The following HSF1 variants were observed in gnomAD, a reference collection of about 807,000 sequenced individuals.
HSF1 encodes the protein heat shock factor protein 1.
HSF1 carries 32 observed loss-of-function variants against 51.7 expected under a neutral mutation model. The ratio of observed to expected loss-of-function variants is 0.62; its 90% CI spans 0.47 to 0.83. The LOEUF is 0.83. HSF1 is among the 40% of genes least tolerant of loss of function. The pLI is 0.00. For synonymous variants in HSF1, 396 were observed against 309.7 expected (o/e 1.28, Z -2.92); for missense variants, 727 against 717.0 (o/e 1.01, Z -0.16).
chr8:144,309,068 C>T (rs1816422445), intron 2 of HSF1, 54 bp downstream of exon 2: 3 of 1,337,312 alleles, frequency 2.2e-6, no homozygotes, highest in South Asian at 1.2e-5. Flanking sequence ...CTGCAGATGG[C>T]GGGACCCCAG....
At chr8:144,302,525 A>G (rs1815958335) in intron 1 of HSF1, among the ~76,000 whole-genome samples, 3 of 151,318 alleles carry the variant, frequency 2.0e-5, no homozygotes, top group Admixed American at 2.0e-4. Context: ...AGATAATAAT[A>G]ATAATAAATA....
Position 144,297,627 on chromosome 8 carries a change from C to G in HSF1, c.117+5753C>G, listed in dbSNP as rs962811648. Among the ~76,000 whole-genome samples, 2 of 152,202 alleles carry G rather than the reference C, an allele frequency of 1.3e-5. No homozygotes were observed. The highest frequency in any genetic ancestry group is 4.8e-5 in the African/African-American group (2 of 41,436). ...GCTTCCATGCCCTGACTCCGGTGGT[C>G]CCTGCTCCCCACACGTGGGCCACAG... On this transcript the variant is annotated intron_variant, in intron 1 of 12. Transcript: ENST00000528838. The surrounding 1 kb of genome is among the most constrained non-coding windows in gnomAD (Gnocchi z 4.6).
chr8:144,297,138 G>A lies in HSF1; in HGVS notation c.117+5264G>A, dbSNP rs1216544852. Among the ~76,000 whole-genome samples, 3 of 152,198 alleles carry A rather than the reference G, an allele frequency of 2.0e-5. No homozygotes were observed. Among genetic ancestry groups the A allele is most frequent in the African/African-American group, 4.8e-5 (2 of 41,436 alleles). On this transcript the variant is annotated intron_variant, in intron 1 of 12. Transcript: ENST00000528838. This position sits in a 1 kb window ranked among gnomAD's most constrained non-coding sequence, Gnocchi z 4.6. ...GTCAGCCTGTGTGCAGGGCGAGCTG[G>A]AGAGGGGTCGGTGGGGCTCACAGTG...
chr8:144,296,550 G>A (rs915414722), intron 1 of HSF1, among the ~76,000 whole-genome samples: 2 of 152,194 alleles, frequency 1.3e-5, no homozygotes, highest in Non-Finnish European at 2.9e-5. Flanking sequence ...TGTAATCCCA[G>A]CACTTTGGGA....
In HSF1 at chr8:144,301,935, TC is replaced by T. The variant is rs1554842422; in HGVS notation, c.118-6970del. Among the ~76,000 whole-genome samples the T allele has an allele frequency of 5.0e-4, 74 of 149,214 alleles. 4 individuals are homozygous for T. In the South Asian group the frequency reaches 0.011, roughly 22 times the overall value. On this transcript the variant is annotated intron_variant, in intron 1 of 12. Transcript: ENST00000528838. Reference sequence around the variant, plus strand: ...CCTGTGGTGCCAGCTACTCAGAGGCTCGGGTGGAAGGATTGCTCCCAGATGG... The same window carrying T: ...CCTGTGGTGCCAGCTACTCAGAGGCTGGGTGGAAGGATTGCTCCCAGATGG...
Position 144,314,052 on chromosome 8 carries a change from C to G in HSF1, c.1382C>G (p.Ser461Ter). Residue 461 changes from serine to a stop codon, truncating the protein, a stop_gained and splice_region_variant, in exon 12 of 13, where the codon TCA (serine) becomes TGA (stop). Transcript: ENST00000528838. LOFTEE classifies it high-confidence loss of function. ...PPEAENSSPD[S>*]GKQLVHYTAQ... ...GAGGCAGAGAACAGCAGCCCGGATTCAGGTGAGCCAAGTCCCACCGGCCCC... is the reference window on the plus strand; with the variant it reads ...GAGGCAGAGAACAGCAGCCCGGATTGAGGTGAGCCAAGTCCCACCGGCCCC... 1 of 1,609,736 alleles carries G rather than the reference C, an allele frequency of 6.2e-7. No homozygotes were observed. Among genetic ancestry groups the G allele is most frequent in the East Asian group, 2.2e-5 (1 of 44,650 alleles).
Position 144,313,907 on chromosome 8 carries a change from C to G in HSF1, c.1310C>G (p.Ala437Gly). The G allele has an allele frequency of 1.9e-6, 3 of 1,609,560 alleles. No homozygotes were observed. The highest frequency in any genetic ancestry group is 2.5e-6 in the Non-Finnish European group (3 of 1,179,146). Residue 437 changes from alanine (A) to glycine (G), a missense_variant, in exon 11 of 13, where the codon GCC becomes GGC. By Grantham distance (60) the Ala-to-Gly change is moderately conservative. This residue lies in a region of HSF1 where 470 missense variants were observed against 398.8 expected (regional missense o/e 1.18). Coordinates refer to ENST00000528838, the MANE Select transcript of HSF1 (RefSeq NM_005526.4). ...CTGCCTGACCTTGACAGCAGCCTGG[C>G]CAGTGTGCGTAGGCGGGCGGGGGGT... is the stretch of plus-strand genomic sequence containing the variant. ...MSLPDLDSSL[A>G]SIQELLSPQE...
At chr8:144,302,712 C>A (rs931461417) in intron 1 of HSF1, among the ~76,000 whole-genome samples, 1 of 151,576 alleles carries the variant, frequency 6.6e-6, no homozygotes, top group African/African-American at 2.4e-5. Flanking sequence ...GGCCCAGCTA[C>A]GCGGGAGGCT....
At chr8:144,293,211 G>A (rs1554840706) in intron 1 of HSF1, among the ~76,000 whole-genome samples, 1 of 152,208 alleles carries the variant, frequency 6.6e-6, no homozygotes, top group African/African-American at 2.4e-5. Context: ...TTTACCTACA[G>A]AGTGTTTGGA....
At chr8:144,312,718 G>A (rs904144201) in intron 9 of HSF1, 128 of 1,534,738 alleles carry the variant, frequency 8.3e-5, no homozygotes, top group Non-Finnish European at 1.1e-4. Flanking sequence ...CAGGGTTAGC[G>A]CTGACCCCAC....
At chr8:144,309,662 G>A (rs1305244232) in intron 3 of HSF1, 71 bp downstream of exon 3, 1 of 1,598,818 alleles carries the variant, frequency 6.3e-7, no homozygotes, top group Non-Finnish European at 8.5e-7. Flanking sequence ...CTCCCTGAGG[G>A]CTCCCACCCC....
intron 4 of HSF1, 115 bp from the exon 5 acceptor site, chr8:144,311,059 G>T: frequency 1.0e-6 from 1 of 991,220 alleles, no homozygotes; most frequent in South Asian, 1.5e-5. Flanking sequence ...GGCCAGGCCA[G>T]ACATGGTCAC....
chr8:144,306,659 G>C (rs562499912), intron 1 of HSF1, among the ~76,000 whole-genome samples: 1 of 152,180 alleles, frequency 6.6e-6, no homozygotes, highest in African/African-American at 2.4e-5. Context: ...CAGCGCAGCC[G>C]GCTGGAAAAC....
At chr8:144,293,152 C>T (rs1815214924) in intron 1 of HSF1, among the ~76,000 whole-genome samples, 1 of 152,322 alleles carries the variant, frequency 6.6e-6, no homozygotes, top group Admixed American at 6.5e-5. Flanking sequence ...TGAAGCTGCC[C>T]CAGGCAGGAG....
intron 1 of HSF1, among the ~76,000 whole-genome samples, chr8:144,292,127 G>A (rs1455454731): frequency 6.6e-6 from 1 of 152,260 alleles, no homozygotes; most frequent in Middle Eastern, 3.2e-3. Context: ...GGGATGGGGA[G>A]AATGGGGCGT....
rs782084373 is a variant in HSF1, at chr8:144,308,897, C to G, written c.118-9C>G. The G allele has an allele frequency of 3.4e-5, 55 of 1,612,870 alleles. No individual in the cohort carries two copies. Among genetic ancestry groups the G allele is most frequent in the Admixed American group, 3.2e-4 (19 of 60,010 alleles). ...CCACGCGTGACCCACCCATGTGTCTCCCTTTCAGAGCGGGAACAGCTTCCA... is the reference window on the plus strand; with the variant it reads ...CCACGCGTGACCCACCCATGTGTCTGCCTTTCAGAGCGGGAACAGCTTCCA... On this transcript the variant is annotated splice_polypyrimidine_tract_variant and intron_variant, in intron 1 of 12. Coordinates refer to ENST00000528838, the MANE Select transcript of HSF1 (RefSeq NM_005526.4).
chr8:144,291,637 G>T lies in HSF1; in HGVS notation c.-121G>T. 1.9e-6 allele frequency: 1 copy of T among 527,512 alleles called. No individual in the cohort carries two copies. The highest frequency in any genetic ancestry group is 3.0e-6 in the Non-Finnish European group (1 of 330,820). 32.7% of individuals were successfully genotyped at this position (527,512 alleles called of 1,614,324 possible). On this transcript the variant is annotated 5_prime_UTR_variant, in exon 1 of 13. Coordinates refer to ENST00000528838, the MANE Select transcript of HSF1 (RefSeq NM_005526.4). The surrounding 1 kb of genome is among the most constrained non-coding windows in gnomAD (Gnocchi z 4.1). Reference sequence around the variant, plus strand: ...GATGGCGGCGGCCATGCTGGGCCCCGGGGCTGTGTGTGCGCAGCGGGCGGC... The same window carrying T: ...GATGGCGGCGGCCATGCTGGGCCCCTGGGCTGTGTGTGCGCAGCGGGCGGC...
rs1816881457 is a variant in HSF1 at position 144,313,649 on chromosome 8, CCCGCCTCCCCGCCGCG to C, written c.1248+39_1248+54del. 6.3e-5 allele frequency: 17 copies of C among 268,374 alleles called. 1 individual carries two copies. The highest frequency in any genetic ancestry group is 8.3e-5 in the Non-Finnish European group (14 of 169,384). The allele number at this position is 268,374 out of a possible 1,614,324, so 16.6% of individuals were successfully genotyped here. A position where few individuals can be genotyped will look rare whatever the true frequency, so the allele number is the denominator to read the frequency against. On this transcript the variant is annotated intron_variant, in intron 10 of 12. Transcript: ENST00000528838. ...GAGCCCCGCCGCCCCGCCTCCCCGC[CCCGCCTCCCCGCCGCG>C]CCGCCCCGCCTCCCCGCCCCGCCTC...
At position 144,311,268 on chromosome 8, in the gene HSF1, G is replaced by T. The variant is rs781904778; in HGVS notation, c.564+19G>T. On this transcript the variant is annotated intron_variant, in intron 5 of 12. Coordinates refer to ENST00000528838, the MANE Select transcript of HSF1 (RefSeq NM_005526.4). ...CAACAAGGTGGGGGCAGGGCCAGAG[G>T]GCCGGCGGGGGCCCCACAAGGGCCG... is the stretch of plus-strand genomic sequence containing the variant. The T allele has an allele frequency of 6.2e-7, 1 of 1,608,822 alleles. No homozygotes were observed. Among genetic ancestry groups the T allele is most frequent in the East Asian group, 2.2e-5 (1 of 44,750 alleles).
Sources: gnomAD v4.1 joint callset for allele counts (sites outside exome capture counted in the v4.1 genomes callset) on GRCh38, gnomAD v4.1.1 for gene constraint, gnomAD v4.1.1 regional missense constraint, Gnocchi (gnomAD v3.1) non-coding constraint, MANE v1.5 for transcripts, NCBI Gene and HGNC (gene_info 2026-07-23, HGNC 2026-07-21) for gene names.